The following SORBS3 variants were observed in gnomAD, a reference collection of about 807,000 sequenced individuals.
The protein encoded by SORBS3 is vinexin.
In SORBS3, 69 loss-of-function variants were observed where a neutral mutation model predicts 98.0. The observed-to-expected ratio is 0.70, with a 90% CI of 0.58 to 0.86. The LOEUF (loss-of-function observed/expected upper bound fraction) is 0.86. Ranked by LOEUF, SORBS3 falls within the 40% of genes least tolerant of loss-of-function variation. The pLI is 0.00. For synonymous variants in SORBS3, 394 were observed against 355.4 expected, an observed-to-expected ratio of 1.11 and a Z score of -1.22; for missense variants, 954 against 908.5, an observed-to-expected ratio of 1.05 and a Z score of -0.64.
At position 22,561,323 on chromosome 8, in the gene SORBS3, C is replaced by G. The variant is rs557933206; in HGVS notation, c.479-12C>G. On this transcript the variant is annotated splice_polypyrimidine_tract_variant and intron_variant, in intron 5 of 20. Transcript: ENST00000240123. ...GCCCCGTCCCATGACCTGGTCCCTTCTGCTCCTGCAGACTTGCAGCTGGAC... is the reference window on the plus strand; with the variant it reads ...GCCCCGTCCCATGACCTGGTCCCTTGTGCTCCTGCAGACTTGCAGCTGGAC... The G allele has an allele frequency of 1.3e-5, 21 of 1,594,468 alleles. No homozygotes were observed. The highest frequency in any genetic ancestry group is 8.6e-5 in the Admixed American group (5 of 57,934).
In SORBS3 at chr8:22,561,860, T is replaced by C. The variant is rs1400113066; in HGVS notation, c.518-5T>C. On this transcript the variant is annotated splice_region_variant and splice_polypyrimidine_tract_variant and intron_variant, in intron 6 of 20. Transcript: ENST00000240123. ...CAATGCTTTCCTCGTGTACCTCCTC[T>C]GCAGACCCCAGGCATCTAGGAGCCC... 1 of 1,613,866 alleles carries C rather than the reference T, an allele frequency of 6.2e-7. No individual in the cohort carries two copies. Among genetic ancestry groups the C allele is most frequent in the Non-Finnish European group, 8.5e-7 (1 of 1,179,864 alleles).
In SORBS3 at chr8:22,554,429, C is replaced by G; in HGVS notation, c.-55-23C>G. ...GGCAGCCTAGCCTAGCAGGGCTTTC[C>G]CTTCCTTCCTCCTTCCCCACAGAGG... On this transcript the variant is annotated intron_variant, in intron 1 of 20. Coordinates refer to ENST00000240123, the MANE Select transcript of SORBS3 (RefSeq NM_005775.5). This position sits in a 1 kb window ranked among gnomAD's most constrained non-coding sequence, Gnocchi z 6.5. 6.4e-7 allele frequency: 1 copy of G among 1,555,358 alleles called. No homozygotes were observed. Among genetic ancestry groups the G allele is most frequent in the Non-Finnish European group, 8.6e-7 (1 of 1,158,198 alleles).
intron 1 of SORBS3, among the ~76,000 whole-genome samples, chr8:22,552,559 T>C (rs1294565694): frequency 6.6e-6 from 1 of 152,004 alleles, no homozygotes; most frequent in Non-Finnish European, 1.5e-5. Flanking sequence ...AAGGGGCAGA[T>C]GGGGGCACCA....
chr8:22,564,862 A>C, intron 10 of SORBS3: 3 of 1,175,146 alleles, frequency 2.6e-6, no homozygotes, highest in Non-Finnish European at 3.2e-6. Flanking sequence ...GCTGGCAGGA[A>C]GCAGCGTGGG....
At chr8:22,565,788 G>T in intron 11 of SORBS3, 38 bp from the exon 12 acceptor site, 1 of 1,319,038 alleles carries the variant, frequency 7.6e-7, no homozygotes. Flanking sequence ...GCTGGGTCCC[G>T]GGGTCGCGGG....
Position 22,556,512 on chromosome 8 carries a change from G to T in SORBS3, c.221-203G>T, listed in dbSNP as rs114737888. On this transcript the variant is annotated intron_variant, in intron 3 of 20. Transcript: ENST00000240123. ...GAAAGAAGGATGGGGGTAGGGCCAG[G>T]CACGGCATTCTCAAGATCAAATCCA... 5.1e-3 allele frequency among the ~76,000 whole-genome samples: 770 copies of T among 152,302 alleles called. 6 individuals are homozygous for T. Among genetic ancestry groups the T allele is most frequent in the African/African-American group, 0.017 (727 of 41,550 alleles).
rs772243410 is a variant in SORBS3, at chr8:22,567,140, G to C, written c.1270G>C (p.Gly424Arg). 1 of 1,613,164 alleles carries C rather than the reference G, an allele frequency of 6.2e-7. No homozygotes were observed. Among genetic ancestry groups the C allele is most frequent in the Non-Finnish European group, 8.5e-7 (1 of 1,179,574 alleles). Reference protein sequence around the residue: ...DKNWLEGEHHGRLGIFPANYV... With the variant: ...DKNWLEGEHHRRLGIFPANYV... ...GAACTGGCTGGAGGGAGAGCACCAC[G>C]GCCGCCTGGGCATCTTCCCTGCTAA... The change falls in exon 16 of 21, where the codon GGC (glycine) becomes CGC (arginine). Residue 424 changes from glycine (G) to arginine (R), a missense_variant. Physicochemically the swap from Gly to Arg is moderately radical, Grantham distance 125. Coordinates refer to ENST00000240123, the MANE Select transcript of SORBS3 (RefSeq NM_005775.5).
chr8:22,571,261 T>G lies in SORBS3; in HGVS notation c.1743+40T>G, dbSNP rs73672758. 1,456 of 1,212,912 alleles carry G rather than the reference T, an allele frequency of 1.2e-3. 16 individuals carry two copies. The African/African-American group carries it at 0.019, about 16-fold the overall frequency. The allele number at this position is 1,212,912 out of a possible 1,614,324, so 75.1% of individuals were successfully genotyped here. A position where few individuals can be genotyped will look rare whatever the true frequency, so the allele number is the denominator to read the frequency against. ...CTCCACCAGAGAGTCGACCTCCTCCTCACCCCTCATCCCCCACCCCCGTGA... is the reference window on the plus strand; with the variant it reads ...CTCCACCAGAGAGTCGACCTCCTCCGCACCCCTCATCCCCCACCCCCGTGA... On this transcript the variant is annotated intron_variant, in intron 18 of 20. Transcript: ENST00000240123.
Position 22,566,415 on chromosome 8 carries a change from C to A in SORBS3, c.1021C>A (p.His341Asn), listed in dbSNP as rs554516336. The change falls in exon 13 of 21, where the codon CAC becomes AAC. Residue 341 changes from histidine to asparagine, a missense_variant. By Grantham distance (68) the His-to-Asn change is moderately conservative. Transcript: ENST00000240123. ...YLGSARSLSP[H>N]KMADGGSPFL... ...GGGTTCCGCCCGGTCCCTGAGTCCC[C>A]ACAAAATGGCTGATGGAGGAAGCCC... The A allele has an allele frequency of 6.2e-7, 1 of 1,614,104 alleles. No homozygotes were observed. The highest frequency in any genetic ancestry group is 2.2e-5 in the East Asian group (1 of 44,880).
At chr8:22,557,210 T>C (rs905992135) in intron 4 of SORBS3, among the ~76,000 whole-genome samples, 1 of 151,334 alleles carries the variant, frequency 6.6e-6, no homozygotes, top group African/African-American at 2.4e-5. Flanking sequence ...TCTCTTAGTT[T>C]CATATCCCCA....
Position 22,554,981 on chromosome 8 carries a change from G to A in SORBS3, c.220+1G>A. ...AGACGAGATGCTTCCCAGCACCCGG[G>A]TAGGTCTGCTCAGGAGCCTCATGCT... On this transcript the variant is annotated splice_donor_variant, in intron 3 of 20. Transcript: ENST00000240123. LOFTEE classifies it high-confidence loss of function. The surrounding 1 kb of genome is among the most constrained non-coding windows in gnomAD (Gnocchi z 6.5). The A allele has an allele frequency of 6.2e-7, 1 of 1,612,206 alleles. No homozygotes were observed. Among genetic ancestry groups the A allele is most frequent in the Non-Finnish European group, 8.5e-7 (1 of 1,178,824 alleles).
intron 19 of SORBS3, among the ~76,000 whole-genome samples, 195 bp downstream of exon 19, chr8:22,572,016 G>A (rs1006339391): frequency 2.0e-5 from 3 of 152,230 alleles, no homozygotes; most frequent in African/African-American, 4.8e-5. Flanking sequence ...ATCCCTCCTG[G>A]CAGCTATGTG....
rs766298364 is a variant in SORBS3 at position 22,561,900 on chromosome 8, C to T, written c.553C>T (p.His185Tyr). Residue 185 changes from histidine (H) to tyrosine (Y), a missense_variant, in exon 7 of 21, where the codon CAC becomes TAC. By Grantham distance (83) the His-to-Tyr change is moderately conservative. Coordinates refer to ENST00000240123, the MANE Select transcript of SORBS3 (RefSeq NM_005775.5). ...RHLGAQQRPAHRPGPATSSSG... is the reference protein window; with the variant it reads ...RHLGAQQRPAYRPGPATSSSG... ...TCTAGGAGCCCAGCAAAGACCTGCC[C>T]ACAGGCCCGGCCCGGCAACATCTTC... 2 of 1,614,052 alleles carry T rather than the reference C, an allele frequency of 1.2e-6. No homozygotes were observed. Among genetic ancestry groups the T allele is most frequent in the Non-Finnish European group, 8.5e-7 (1 of 1,179,990 alleles).
chr8:22,561,206 T>C (rs1421642950), intron 5 of SORBS3, 129 bp from the exon 6 acceptor site: 4 of 843,944 alleles, frequency 4.7e-6, no homozygotes, highest in Non-Finnish European at 5.5e-6. Context: ...CTTGGGACAT[T>C]CTTCAGGCCC....
chr8:22,565,924 G>T, intron 12 of SORBS3, 52 bp downstream of exon 12: 1 of 1,175,462 alleles, frequency 8.5e-7, no homozygotes, highest in Non-Finnish European at 1.1e-6. Context: ...CCGGGCGGGA[G>T]GGAACGTGGC....
chr8:22,571,056 G>A lies in SORBS3; in HGVS notation c.1578G>A (p.Gln526=), dbSNP rs1209518221. 6.2e-7 allele frequency: 1 copy of A among 1,613,108 alleles called. No individual in the cohort carries two copies. The highest frequency in any genetic ancestry group is 1.7e-5 in the Admixed American group (1 of 59,986). The change falls in exon 18 of 21, where the codon CAG becomes CAA. Residue 526 remains glutamine (Q), a synonymous_variant. Transcript: ENST00000240123. ...PRLRLCDDGP[Q]LPTSPRLTAA... is the part of the protein sequence containing the mutation. ...TCCGGCTCTGTGACGACGGCCCCCA[G>A]CTCCCCACGTCTCCCCGCCTGACCG...
chr8:22,550,089 C>A, upstream of SORBS3: 1 of 876,466 alleles, frequency 1.1e-6, no homozygotes, highest in Non-Finnish European at 1.4e-6. Flanking sequence ...AGAAAATGGG[C>A]ACCTATTTTA....
At chr8:22,571,282 C>T (rs1249318212) in intron 18 of SORBS3, 61 bp downstream of exon 18, 30 of 972,668 alleles carry the variant, frequency 3.1e-5, no homozygotes, top group Middle Eastern at 2.3e-4. Flanking sequence ...CCCCCACCCC[C>T]GTGACTTGTC....
rs1227916841 is a variant in SORBS3, at chr8:22,570,988, A to G, written c.1510A>G (p.Ile504Val). The change falls in exon 18 of 21, where the codon ATA becomes GTA. Residue 504 changes from isoleucine to valine, a missense_variant. Transcript: ENST00000240123. ...GRITGTGRQG[I>V]FPASYVQVSR... ...CATCACGGGCACGGGGCGCCAAGGCATATTCCCTGCCAGCTACGTGCAGGT... is the reference window on the plus strand; with the variant it reads ...CATCACGGGCACGGGGCGCCAAGGCGTATTCCCTGCCAGCTACGTGCAGGT... 1.2e-6 allele frequency: 2 copies of G among 1,613,722 alleles called. No individual in the cohort carries two copies. The highest frequency in any genetic ancestry group is 1.7e-5 in the Admixed American group (1 of 60,002).
Sources: gnomAD v4.1 joint callset for allele counts (sites outside exome capture counted in the v4.1 genomes callset) on GRCh38, gnomAD v4.1.1 for gene constraint, Gnocchi (gnomAD v3.1) non-coding constraint, MANE v1.5 for transcripts, NCBI Gene and HGNC (gene_info 2026-07-23, HGNC 2026-07-21) for gene names.